Variants in CDH23 observed in about 807,000 individuals in gnomAD.
CDH23 encodes the protein cadherin-23.
A neutral mutation model predicts 317.1 loss-of-function variants in CDH23; 189 were observed. The ratio of observed to expected loss-of-function variants is 0.60; its 90% CI spans 0.53 to 0.67. The LOEUF is 0.67. Ranked by LOEUF, CDH23 falls within the 30% of genes least tolerant of loss-of-function variation. The pLI is 0.00. For synonymous variants in CDH23, 1,839 were observed against 1,876.8 expected (o/e 0.98, Z 0.52); for missense variants, 4,401 against 4,592.4 (o/e 0.96, Z 1.20).
At chr10:71,536,065 G>T (rs756820014) in intron 6 of CDH23, among the ~76,000 whole-genome samples, 1 of 152,258 alleles carries the variant, frequency 6.6e-6, no homozygotes, top group Non-Finnish European at 1.5e-5. Flanking sequence ...AGGTGCACGC[G>T]CCTTGCTGTG....
intron 1 of CDH23, among the ~76,000 whole-genome samples, chr10:71,401,124 T>G (rs1016214186): frequency 1.3e-5 from 2 of 152,138 alleles, no homozygotes; most frequent in African/African-American, 4.8e-5. Flanking sequence ...AGTAGAGAAG[T>G]GCAGATCAGA....
intron 14 of CDH23, among the ~76,000 whole-genome samples, chr10:71,664,557 G>T (rs746825068): frequency 1.2e-4 from 18 of 152,210 alleles, no homozygotes; most frequent in Non-Finnish European, 2.6e-4. Context: ...CTCAGCAGCA[G>T]CATGTTTGCA....
rs755305739 is a variant in CDH23 at position 71,809,881 on chromosome 10, C to T, written c.8784C>T (p.Phe2928=). 65 of 1,613,350 alleles carry T rather than the reference C, an allele frequency of 4.0e-5. No individual in the cohort carries two copies. The highest frequency in any genetic ancestry group is 5.0e-5 in the Non-Finnish European group (59 of 1,179,910). Residue 2928 remains phenylalanine (F), a synonymous_variant, in exon 61 of 70, where the codon TTC becomes TTT. Coordinates refer to ENST00000224721, the MANE Select transcript of CDH23 (RefSeq NM_022124.6). ...TCATGGCCTACAGCCCCGGCTACTT[C>T]GTGGTGGACATTGTGGCCCGAGACC... The part of the protein sequence containing the change: ...DLFMAYSPGY[F]VVDIVARDLA...
chr10:71,529,790 A>G lies in CDH23; in HGVS notation c.429+18578A>G, dbSNP rs114201544. On this transcript the variant is annotated intron_variant, in intron 6 of 69. Transcript: ENST00000224721. Reference sequence around the variant, plus strand: ...CACCTGAGCCCTACAAGCCCAAGAAACAGGCCCTTTCCTGCCTCCCACCTC... The same window carrying G: ...CACCTGAGCCCTACAAGCCCAAGAAGCAGGCCCTTTCCTGCCTCCCACCTC... Among the ~76,000 whole-genome samples, 1,305 of 152,030 alleles carry G rather than the reference A, an allele frequency of 8.6e-3. 21 individuals are homozygous for G. Among genetic ancestry groups the G allele is most frequent in the African/African-American group, 0.03 (1,249 of 41,454 alleles).
intron 11 of CDH23, among the ~76,000 whole-genome samples, chr10:71,622,515 C>A (rs750587380): frequency 4.6e-5 from 7 of 152,084 alleles, no homozygotes; most frequent in Non-Finnish European, 7.4e-5. Context: ...CAGAAGGGGG[C>A]GGGGGACGGA....
In CDH23 at chr10:71,646,492, G is replaced by A; in HGVS notation, c.1324G>A (p.Gly442Ser). The change falls in exon 14 of 70, where the codon GGC becomes AGC. Residue 442 changes from glycine (G) to serine (S), a missense_variant. Around this residue, in one of 3 missense-constraint regions of CDH23, gnomAD observed 3,068 missense variants for 3,203.3 expected, o/e 0.96. Coordinates refer to ENST00000224721, the MANE Select transcript of CDH23 (RefSeq NM_022124.6). ...FANESVPDHV[G>S]YAKVKITLIN... ...CAATGAGAGTGTGCCTGACCATGTG[G>A]GCTATGCCAAGGTGAAGATCACTCT... 6.2e-7 allele frequency: 1 copy of A among 1,613,978 alleles called. No homozygotes were observed. The highest frequency in any genetic ancestry group is 8.5e-7 in the Non-Finnish European group (1 of 1,179,894).
At chr10:71,640,648 T>C (rs1862498643) in intron 11 of CDH23, among the ~76,000 whole-genome samples, 1 of 152,074 alleles carries the variant, frequency 6.6e-6, no homozygotes, top group Admixed American at 6.5e-5. Context: ...CTCGGGAGAC[T>C]GAGGCAGGAG....
At chr10:71,408,369 AAG>A (rs111771075) in intron 1 of CDH23, among the ~76,000 whole-genome samples, 55 of 149,338 alleles carry the variant, frequency 3.7e-4, no homozygotes, top group Admixed American at 1.3e-3. Context: ...GTGTTAGAAG[AAG>A]AGAGAGAGAG....
At chr10:71,571,064 G>C in intron 8 of CDH23, 146 bp downstream of exon 8, 1 of 852,936 alleles carries the variant, frequency 1.2e-6, no homozygotes, top group Non-Finnish European at 1.8e-6. Flanking sequence ...GAGTGTTCTG[G>C]CACAGCGAAA....
At chr10:71,675,071 C>G (rs757880655) in intron 14 of CDH23, 41 bp from the exon 15 acceptor site, 13 of 1,587,790 alleles carry the variant, frequency 8.2e-6, no homozygotes, top group Non-Finnish European at 1.1e-5. Flanking sequence ...GAAGCCTCAG[C>G]TGGGCCTGGC....
At chr10:71,695,798 T>C (rs1330231986) in intron 22 of CDH23, among the ~76,000 whole-genome samples, 5 of 152,302 alleles carry the variant, frequency 3.3e-5, no homozygotes, top group African/African-American at 1.2e-4. Context: ...AGGGGAGCTC[T>C]GGCCGGTTCC....
In CDH23 at chr10:71,778,160, C is replaced by T. The variant is rs776208112; in HGVS notation, c.5068-29C>T. The T allele has an allele frequency of 1.9e-6, 3 of 1,613,392 alleles. No homozygotes were observed. In the Admixed American group the frequency reaches 5.0e-5, roughly 27 times the overall value. On this transcript the variant is annotated intron_variant, in intron 39 of 69. Transcript: ENST00000224721. ...GCTGCAGACCTACCACCCCTAGATC[C>T]ATCCTTGTCCCTTCCCTGTGTCCCC...
In CDH23 at chr10:71,731,264, C is replaced by T. The variant is rs1034827722; in HGVS notation, c.3715+660C>T. On this transcript the variant is annotated intron_variant, in intron 31 of 69. Coordinates refer to ENST00000224721, the MANE Select transcript of CDH23 (RefSeq NM_022124.6). ...GGAGACCCACTGTCCCCCAGAGAGG[C>T]TCCCTGAGCTGCTCATCCTTCATGT... Among the ~76,000 whole-genome samples, 3 of 152,238 alleles carry T rather than the reference C, an allele frequency of 2.0e-5. No homozygotes were observed. In the East Asian group the frequency reaches 5.8e-4, roughly 29 times the overall value.
intron 9 of CDH23, among the ~76,000 whole-genome samples, chr10:71,584,339 T>C (rs1858880842): frequency 6.6e-6 from 1 of 152,162 alleles, no homozygotes; most frequent in Middle Eastern, 3.4e-3. Context: ...GTGAGAAATA[T>C]CAGGCCGAAA....
At position 71,682,564 on chromosome 10, in the gene CDH23, G is replaced by C. The variant is rs762287437; in HGVS notation, c.1978G>C (p.Glu660Gln). ...PLNSTVPVTIEVFDENDNPPT... is the reference protein window; with the variant it reads ...PLNSTVPVTIQVFDENDNPPT... ...CAACAGCACCGTCCCTGTCACCATCGAGGTGTTTGTAAGTACCCAGGGCCA... is the reference window on the plus strand; with the variant it reads ...CAACAGCACCGTCCCTGTCACCATCCAGGTGTTTGTAAGTACCCAGGGCCA... Residue 660 changes from glutamate (E) to glutamine (Q), a missense_variant, in exon 18 of 70, where the codon GAG becomes CAG. Transcript: ENST00000224721. The C allele has an allele frequency of 6.2e-7, 1 of 1,613,194 alleles. No homozygotes were observed. Among genetic ancestry groups the C allele is most frequent in the East Asian group, 2.2e-5 (1 of 44,886 alleles).
At position 71,712,735 on chromosome 10, in the gene CDH23, C is replaced by T. The variant is rs1866028125; in HGVS notation, c.3291C>T (p.Asp1097=). Residue 1097 remains aspartate, a synonymous_variant, in exon 28 of 70, where the codon GAC becomes GAT. Coordinates refer to ENST00000224721, the MANE Select transcript of CDH23 (RefSeq NM_022124.6). ...TCGTCACTGTCCTGGATGTGAATGA[C>T]AACCGGCCCATCTTTCTGCAGAGCA... The part of the protein sequence containing the change: ...TVFVTVLDVN[D]NRPIFLQSSY... The T allele has an allele frequency of 6.2e-7, 1 of 1,613,708 alleles. No individual in the cohort carries two copies. The highest frequency in any genetic ancestry group is 8.5e-7 in the Non-Finnish European group (1 of 1,179,848).
At chr10:71,608,924 G>A (rs1860689724) in intron 9 of CDH23, among the ~76,000 whole-genome samples, 1 of 152,170 alleles carries the variant, frequency 6.6e-6, no homozygotes, top group Non-Finnish European at 1.5e-5. Context: ...CAGGACTCAG[G>A]GGCTGTTAGC....
At chr10:71,612,877 CT>C (rs1564687586) in intron 9 of CDH23, among the ~76,000 whole-genome samples, 3 of 152,250 alleles carry the variant, frequency 2.0e-5, no homozygotes, top group African/African-American at 7.2e-5. Flanking sequence ...TTGAGACAGT[CT>C]TGCTCTGTCG....
intron 3 of CDH23, among the ~76,000 whole-genome samples, chr10:71,469,447 C>A (rs886668143): frequency 8.6e-5 from 13 of 150,416 alleles, no homozygotes; most frequent in African/African-American, 1.2e-4. Context: ...TTTTGGAGTC[C>A]TTTTATATTG....
Sources: allele counts gnomAD v4.1 joint callset (sites outside exome capture counted in the v4.1 genomes callset), GRCh38; gene constraint gnomAD v4.1.1; regional missense constraint gnomAD v4.1.1; transcripts MANE v1.5; gene names NCBI Gene and HGNC (gene_info 2026-07-23, HGNC 2026-07-21).